The following CFH variants were observed in gnomAD, a reference collection of about 807,000 sequenced individuals.
The protein encoded by CFH is complement factor H.
CFH carries 53 observed loss-of-function variants against 147.3 expected under a neutral mutation model. The ratio of observed to expected loss-of-function variants is 0.36; its 90% CI spans 0.29 to 0.45. The LOEUF is 0.45. Among genes scored for constraint, CFH ranks in the 20% least tolerant of loss-of-function variants. The pLI, the probability that CFH is intolerant of heterozygous loss-of-function variation, is 1.00. For missense variants in CFH, 1,380 were observed against 1,498.0 expected, an observed-to-expected ratio of 0.92 and a Z score of 1.30; for synonymous variants, 536 against 489.4, an observed-to-expected ratio of 1.10 and a Z score of -1.26.
chr1:196,661,804 TAGA>T (rs1423211678), intron 1 of CFH, among the ~76,000 whole-genome samples: 6 of 152,332 alleles, frequency 3.9e-5, no homozygotes, highest in African/African-American at 1.2e-4. Flanking sequence ...TAAGTAGAAG[TAGA>T]AGATTACCTA....
chr1:196,700,700 C>A, intron 9 of CFH: 1 of 283,862 alleles, frequency 3.5e-6, no homozygotes, highest in Non-Finnish European at 5.3e-6. Context: ...GCAAGCCACT[C>A]TCCTTGCAGT....
intron 9 of CFH, among the ~76,000 whole-genome samples, chr1:196,692,193 G>C (rs1016112994): frequency 1.3e-5 from 2 of 151,958 alleles, no homozygotes; most frequent in Non-Finnish European, 1.5e-5. Context: ...GCAATGTCGC[G>C]ATCTCGCCTC....
At chr1:196,701,413 C>T (rs1668445306) in intron 9 of CFH, 1 of 1,603,030 alleles carries the variant, frequency 6.2e-7, no homozygotes, top group Non-Finnish European at 8.5e-7. Context: ...TGAGTCTTGC[C>T]AGGTCAATAC....
chr1:196,663,600 A>G (rs1390669389), intron 1 of CFH, among the ~76,000 whole-genome samples: 1 of 152,186 alleles, frequency 6.6e-6, no homozygotes, highest in East Asian at 1.9e-4. Flanking sequence ...TTTCTCCCGT[A>G]TAATGTCTTT....
chr1:196,744,886 A>T (rs1324764101), intron 20 of CFH, among the ~76,000 whole-genome samples: 2 of 152,072 alleles, frequency 1.3e-5, no homozygotes, highest in African/African-American at 4.8e-5. Context: ...TCTACTGGAG[A>T]CAAATTCCCT....
intron 9 of CFH, 62 bp downstream of exon 9, chr1:196,690,301 T>C: frequency 6.3e-7 from 1 of 1,598,854 alleles, no homozygotes; most frequent in Non-Finnish European, 8.6e-7. Context: ...TAGATGACAT[T>C]CTAAGACTCA....
At position 196,726,855 on chromosome 1, in the gene CFH, C is replaced by T; in HGVS notation, c.2151C>T (p.Phe717=). 1 of 1,613,672 alleles carries T rather than the reference C, an allele frequency of 6.2e-7. No individual in the cohort carries two copies. Among genetic ancestry groups the T allele is most frequent in the Non-Finnish European group, 8.5e-7 (1 of 1,179,746 alleles). The part of the protein sequence containing the change: ...PPYYYGDSVE[F]NCSESFTMIG... Reference sequence around the variant, plus strand: ...ATTACTATGGAGATTCAGTGGAATTCAATTGCTCAGAATCATTTACAATGA... The same window carrying T: ...ATTACTATGGAGATTCAGTGGAATTTAATTGCTCAGAATCATTTACAATGA... Residue 717 remains phenylalanine (F), a synonymous_variant, in exon 14 of 22, where the codon TTC becomes TTT. Coordinates refer to ENST00000367429, the MANE Select transcript of CFH (RefSeq NM_000186.4).
In CFH at chr1:196,745,766, T is replaced by C. The variant is rs374512712; in HGVS notation, c.3311-51T>C. ...TTTGCGTTTGCCTTATTTGAACTTG[T>C]ATTTTGATTTGCTCTCACAACAAAT... On this transcript the variant is annotated intron_variant, in intron 20 of 21. Coordinates refer to ENST00000367429, the MANE Select transcript of CFH (RefSeq NM_000186.4). The C allele has an allele frequency of 6.2e-6, 10 of 1,613,228 alleles. No individual in the cohort carries two copies. The African/African-American group carries it at 8.0e-5, about 13-fold the overall frequency.
chr1:196,710,327 C>T (rs915535333), intron 9 of CFH, among the ~76,000 whole-genome samples: 7 of 152,190 alleles, frequency 4.6e-5, no homozygotes, highest in East Asian at 1.9e-4. Context: ...ACTGTCTCAG[C>T]GTATTGGTCT....
chr1:196,711,487 C>T (rs1489846467), intron 9 of CFH, among the ~76,000 whole-genome samples: 1 of 151,792 alleles, frequency 6.6e-6, no homozygotes, highest in Non-Finnish European at 1.5e-5. Flanking sequence ...TAACTCCATT[C>T]TGTATTTTGG....
In CFH at chr1:196,743,628, G is replaced by C. The variant is rs932614951; in HGVS notation, c.3310G>C (p.Asp1104His). The C allele has an allele frequency of 6.2e-7, 1 of 1,613,886 alleles. No individual in the cohort carries two copies. The highest frequency in any genetic ancestry group is 1.3e-5 in the African/African-American group (1 of 75,034). The stretch of plus-strand genomic sequence containing the variant: ...CTGGACGGAACCACCTCAATGCAAA[G>C]GTAGAGTATTATATTTCTTTTAACA... ...GNWTEPPQCK[D>H]STGKCGPPPP... is the part of the protein sequence containing the mutation. The change falls in exon 20 of 22, where the codon GAT (aspartate) becomes CAT (histidine). Residue 1104 changes from aspartate to histidine, a missense_variant and splice_region_variant. Around this residue, in one of 4 missense-constraint regions of CFH, gnomAD observed 123 missense variants for 185.3 expected, o/e 0.66. Transcript: ENST00000367429.
At chr1:196,693,680 C>T (rs1465014811) in intron 9 of CFH, among the ~76,000 whole-genome samples, 1 of 151,958 alleles carries the variant, frequency 6.6e-6, no homozygotes, top group Non-Finnish European at 1.5e-5. Context: ...ACTGTGGATG[C>T]ACTAGACAAG....
chr1:196,689,271 T>C, intron 7 of CFH, 149 bp from the exon 8 acceptor site: 2 of 694,186 alleles, frequency 2.9e-6, no homozygotes, highest in Non-Finnish European at 4.7e-6. Flanking sequence ...GTCATCTGAG[T>C]TCTATCATTT....
intron 1 of CFH, among the ~76,000 whole-genome samples, chr1:196,654,587 T>C (rs74778271): frequency 0.012 from 1,809 of 152,292 alleles, 41 homozygotes; most frequent in African/African-American, 0.041. Flanking sequence ...GAATATATTA[T>C]GACCAAGCAG....
chr1:196,702,665 A>T (rs1040951721), intron 9 of CFH, among the ~76,000 whole-genome samples: 27 of 152,228 alleles, frequency 1.8e-4, no homozygotes, highest in African/African-American at 6.3e-4. Context: ...TTTTAGAAAA[A>T]GCTAAGGAAA....
rs766487897 is a variant in CFH at position 196,672,953 on chromosome 1, C to G, written c.59-25C>G. On this transcript the variant is annotated intron_variant, in intron 1 of 21. Transcript: ENST00000367429. ...TACATTTAAATAGACACTTTATGCA[C>G]TTATTTTGTTTTTATTGTTTGTAGA... 3 of 1,594,402 alleles carry G rather than the reference C, an allele frequency of 1.9e-6. No individual in the cohort carries two copies. In the African/African-American group the frequency reaches 4.0e-5, roughly 21 times the overall value.
intron 11 of CFH, among the ~76,000 whole-genome samples, chr1:196,717,334 CA>C (rs1304832171): frequency 1.3e-4 from 20 of 151,970 alleles, no homozygotes; most frequent in African/African-American, 4.8e-4. Context: ...TGTTAGTTAG[CA>C]GACTAAAATA....
chr1:196,657,390 T>G (rs1410099673), intron 1 of CFH, among the ~76,000 whole-genome samples: 2 of 152,198 alleles, frequency 1.3e-5, no homozygotes. Flanking sequence ...TGCTTGAACT[T>G]CAGGGGTCTG....
At chr1:196,677,224 C>A in intron 4 of CFH, 1 of 379,292 alleles carries the variant, frequency 2.6e-6, no homozygotes, top group Non-Finnish European at 4.8e-6. Flanking sequence ...TTTGTTACTA[C>A]AAAAATACAA....
Sources: gnomAD v4.1 joint callset for allele counts (sites outside exome capture counted in the v4.1 genomes callset) on GRCh38, gnomAD v4.1.1 for gene constraint, gnomAD v4.1.1 regional missense constraint, MANE v1.5 for transcripts, NCBI Gene and HGNC (gene_info 2026-07-23, HGNC 2026-07-21) for gene names.